The following TPM1 variants were observed in gnomAD, a reference collection of about 807,000 sequenced individuals.
TPM1 encodes tropomyosin 1.
TPM1 carries 24 observed loss-of-function variants against 42.9 expected under a neutral mutation model. The ratio of observed to expected loss-of-function variants is 0.56; its 90% confidence interval spans 0.41 to 0.79. The LOEUF is 0.79. TPM1 is among the 30% of genes least tolerant of loss of function. TPM1 has a pLI of 0.00. For synonymous variants in TPM1, 136 were observed against 130.1 expected, an observed-to-expected ratio of 1.05 and a Z score of -0.31; for missense variants, 158 against 351.8, an observed-to-expected ratio of 0.45 and a Z score of 4.41.
At chr15:63,069,152 C>CA (rs1004812170), downstream of TPM1, among the ~76,000 whole-genome samples, 4 of 151,770 alleles carry the variant, frequency 2.6e-5, no homozygotes, top group African/African-American at 7.3e-5. Context: ...GACTAAGTCT[C>CA]AAAAAACAAA....
chr15:63,057,214 T>C, intron 3 of TPM1, 96 bp downstream of exon 3: 12 of 1,545,308 alleles, frequency 7.8e-6, no homozygotes, highest in Non-Finnish European at 1.1e-5. Context: ...AATTTTTCAG[T>C]CCCCTGGTGG....
At position 63,043,752 on chromosome 15, in the gene TPM1, A is replaced by T. The variant is rs730881132; in HGVS notation, c.115-275A>T. On this transcript the variant is annotated intron_variant, in intron 1 of 9. Transcript: ENST00000403994. ...AAGGAGAAGTTGCTGCGGGTGTCGGAGGACGAGCGGGACCGGGTGCTGGAG... is the reference window on the plus strand; with the variant it reads ...AAGGAGAAGTTGCTGCGGGTGTCGGTGGACGAGCGGGACCGGGTGCTGGAG... The T allele has an allele frequency of 1.7e-5, 27 of 1,549,656 alleles. No homozygotes were observed. Among genetic ancestry groups the T allele is most frequent in the Non-Finnish European group, 2.1e-5 (24 of 1,146,914 alleles).
chr15:63,052,539 G>T (rs1263321939), intron 2 of TPM1, among the ~76,000 whole-genome samples: 1 of 152,000 alleles, frequency 6.6e-6, no homozygotes, highest in Non-Finnish European at 1.5e-5. Flanking sequence ...AAAAGAAGAA[G>T]AAGAAGAAAG....
chr15:63,069,096 T>C (rs1476463209), downstream of TPM1, among the ~76,000 whole-genome samples: 1 of 152,112 alleles, frequency 6.6e-6, no homozygotes, highest in African/African-American at 2.4e-5. Context: ...GAGCTTGCAG[T>C]GAGCTGAGAT....
At chr15:63,043,007 G>A in intron 1 of TPM1, 64 bp downstream of exon 1, 1 of 1,444,748 alleles carries the variant, frequency 6.9e-7, no homozygotes, top group Non-Finnish European at 9.5e-7. Flanking sequence ...GGCACCCCCG[G>A]CTGGATCCCC....
chr15:63,064,104 C>T lies in TPM1; in HGVS notation c.813C>T (p.Ser271=), dbSNP rs1313357866. 7 of 1,614,104 alleles carry T rather than the reference C, an allele frequency of 4.3e-6. No homozygotes were observed. Among genetic ancestry groups the T allele is most frequent in the South Asian group, 1.1e-5 (1 of 91,046 alleles). ...YAQKLKYKAI[S]EELDHALNDM... ...AGAAACTGAAGTACAAAGCCATCAG[C>T]GAGGAGCTGGACCACGCTCTCAACG... Residue 271 remains serine, a synonymous_variant, in exon 9 of 10, where the codon AGC becomes AGT. Coordinates refer to ENST00000403994, the MANE Select transcript of TPM1 (RefSeq NM_001018005.2).
chr15:63,062,330 C>T, intron 7 of TPM1, 53 bp downstream of exon 7: 1 of 1,556,238 alleles, frequency 6.4e-7, no homozygotes, highest in Non-Finnish European at 8.9e-7. Flanking sequence ...AGTTTGTTTT[C>T]ATGGAACCGG....
chr15:63,060,410 G>C (rs564016121), intron 4 of TPM1, among the ~76,000 whole-genome samples: 1 of 152,102 alleles, frequency 6.6e-6, no homozygotes, highest in African/African-American at 2.4e-5. Context: ...TCACCAACTT[G>C]TCTCACGTTA....
intron 2 of TPM1, chr15:63,048,957 G>A (rs747396685): frequency 9.4e-4 from 510 of 543,318 alleles, no homozygotes; most frequent in Non-Finnish European, 1.3e-3. Flanking sequence ...GTGTTGAGAA[G>A]GTTCTGGAAG....
intron 2 of TPM1, among the ~76,000 whole-genome samples, chr15:63,054,171 A>G (rs944407713): frequency 6.6e-6 from 1 of 151,996 alleles, no homozygotes; most frequent in Non-Finnish European, 1.5e-5. Flanking sequence ...CATTCCTCCC[A>G]CTATATCACA....
rs528733046 is a variant in TPM1, at chr15:63,061,610, G to A, written c.564-103G>A. ...TTTGGCTACTTTAAGGCAGCCCTTC[G>A]TCTCTAGGACTCAGTTTTCATTTTT... On this transcript the variant is annotated intron_variant, in intron 5 of 9. Transcript: ENST00000403994. 1.1e-4 allele frequency: 126 copies of A among 1,127,774 alleles called. No individual in the cohort carries two copies. The highest frequency in any genetic ancestry group is 4.9e-4 in the South Asian group (40 of 80,850). The allele number at this position is 1,127,774 out of a possible 1,614,324, so 69.9% of individuals were successfully genotyped here.
At chr15:63,052,439 C>T (rs2034074574) in intron 2 of TPM1, among the ~76,000 whole-genome samples, 1 of 152,152 alleles carries the variant, frequency 6.6e-6, no homozygotes, top group Non-Finnish European at 1.5e-5. Context: ...AGGAGAATCG[C>T]TTGAACCCGG....
intron 2 of TPM1, chr15:63,045,587 T>C (rs1389547939): frequency 1.3e-5 from 2 of 152,126 alleles, no homozygotes; most frequent in Non-Finnish European, 1.5e-5. Context: ...AGATATTCCT[T>C]ATAAGGAAAA....
At chr15:63,049,546 T>TTG (rs140301012) in intron 2 of TPM1, among the ~76,000 whole-genome samples, 1 of 152,100 alleles carries the variant, frequency 6.6e-6, no homozygotes, top group Admixed American at 6.5e-5. Flanking sequence ...TTTGTCGATT[T>TTG]TGTGTGTGTG....
chr15:63,047,018 C>G (rs2032525324), intron 2 of TPM1: 1 of 152,316 alleles, frequency 6.6e-6, no homozygotes, highest in Admixed American at 6.5e-5. Flanking sequence ...CTGCTTATGG[C>G]ACTTGCCAGT....
At chr15:63,044,748 G>C (rs548749085) in intron 2 of TPM1, 31 of 171,718 alleles carry the variant, frequency 1.8e-4, no homozygotes, top group Non-Finnish European at 3.4e-4. Context: ...ATACTTGCTT[G>C]GGTCTGCAGT....
intron 3 of TPM1, among the ~76,000 whole-genome samples, chr15:63,058,255 G>A (rs1237155612): frequency 6.6e-6 from 1 of 152,096 alleles, no homozygotes; most frequent in Non-Finnish European, 1.5e-5. Context: ...GTTAGACTTC[G>A]GAGTAAAGGG....
At chr15:63,070,956 A>G (rs1188745776), downstream of TPM1, 1 of 1,509,450 alleles carries the variant, frequency 6.6e-7, no homozygotes. Context: ...GAAATGAGTA[A>G]TGTCTTACAA....
downstream of TPM1, among the ~76,000 whole-genome samples, chr15:63,067,864 A>C (rs1458540700): frequency 6.6e-6 from 1 of 152,198 alleles, no homozygotes; most frequent in Non-Finnish European, 1.5e-5. Context: ...CGGAAGGGAA[A>C]ACACTTCCAA....
Sources: allele counts gnomAD v4.1 joint callset (sites outside exome capture counted in the v4.1 genomes callset), GRCh38; gene constraint gnomAD v4.1.1; transcripts MANE v1.5; gene names NCBI Gene and HGNC (gene_info 2026-07-23, HGNC 2026-07-21).